DMD: variants seen among roughly 807,000 people sequenced by gnomAD.
DMD encodes the protein dystrophin.
DMD carries 63 observed loss-of-function variants against 330.1 expected under a neutral mutation model. The ratio of observed to expected loss-of-function variants is 0.19; its 90% CI spans 0.16 to 0.24. DMD has a LOEUF of 0.24. Among genes scored for constraint, DMD ranks in the 10% least tolerant of loss-of-function variants. The pLI is 1.00. For missense variants in DMD, 3,344 were observed against 2,684.1 expected (o/e 1.25, Z -5.43); for synonymous variants, 1,223 against 959.8 (o/e 1.27, Z -5.07).
intron 9 of DMD, among the ~76,000 whole-genome samples, chrX:32,658,434 C>A (rs1227270730): frequency 9.0e-6 from 1 of 111,376 alleles, no homozygotes; most frequent in Non-Finnish European, 1.9e-5. Context: ...AGCTCTGTCA[C>A]TGCAAATTGT....
At chrX:32,272,300 C>A (rs1353615005) in intron 43 of DMD, among the ~76,000 whole-genome samples, 1 of 112,078 alleles carries the variant, frequency 8.9e-6, no homozygotes, top group Non-Finnish European at 1.9e-5. Flanking sequence ...TGCTAAGGAG[C>A]AAGTCAGGAC....
chrX:31,618,920 G>C (rs2078369847), intron 55 of DMD, among the ~76,000 whole-genome samples: 1 of 110,726 alleles, frequency 9.0e-6, no homozygotes, highest in Non-Finnish European at 1.9e-5. Context: ...AACACTTGTG[G>C]TCCCAAGTGT....
intron 55 of DMD, among the ~76,000 whole-genome samples, chrX:31,587,609 T>C (rs1214326276): frequency 8.9e-6 from 1 of 111,860 alleles, no homozygotes; most frequent in Non-Finnish European, 1.9e-5. Context: ...TCGTTGGCAG[T>C]GAATGTATTT....
intron 44 of DMD, among the ~76,000 whole-genome samples, chrX:31,998,538 T>C (rs2095604867): frequency 1.8e-5 from 2 of 111,238 alleles, no homozygotes. Context: ...AGGATGGGAG[T>C]ACATAATAGT....
intron 62 of DMD, among the ~76,000 whole-genome samples, chrX:31,309,647 T>C (rs764608942): frequency 2.7e-5 from 3 of 112,122 alleles, no homozygotes; most frequent in Admixed American, 9.5e-5. Context: ...GAAAGAATTA[T>C]AGGGAAGTGC....
intron 52 of DMD, among the ~76,000 whole-genome samples, chrX:31,706,147 TAAA>T (rs59287838): frequency 1.2e-5 from 1 of 83,143 alleles, no homozygotes. Flanking sequence ...TTTTAGCTGT[TAAA>T]AAAAAAAAAA....
Position 32,621,570 on chromosome X carries a change from C to G in DMD, c.1332-7117G>C, listed in dbSNP as rs1318459501. 2.7e-5 allele frequency among the ~76,000 whole-genome samples: 3 copies of G among 109,746 alleles called. No homozygotes were observed. In the Admixed American group the frequency reaches 2.9e-4, roughly 11 times the overall value. ...AACTCCTTAGCTCAAGCAATCCTCT[C>G]CCCTTGGCCTCCCAAAAGTGCTGGG... On this transcript the variant is annotated intron_variant, in intron 11 of 78. Transcript: ENST00000357033.
At chrX:31,761,110 C>T (rs1298815461) in intron 51 of DMD, among the ~76,000 whole-genome samples, 1 of 110,055 alleles carries the variant, frequency 9.1e-6, no homozygotes, top group East Asian at 2.8e-4. Context: ...TGGTCTCAAT[C>T]TTCTGACCTC....
intron 52 of DMD, among the ~76,000 whole-genome samples, chrX:31,694,771 A>T (rs1341955728): frequency 4.6e-5 from 5 of 107,913 alleles, no homozygotes; most frequent in African/African-American, 1.0e-4. Flanking sequence ...GAAAGATAAC[A>T]AGTGTTCATG....
intron 9 of DMD, among the ~76,000 whole-genome samples, chrX:32,646,289 G>A (rs192195095): frequency 8.1e-5 from 9 of 111,541 alleles, no homozygotes; most frequent in Non-Finnish European, 5.6e-5. Context: ...TACTAAGTTT[G>A]CAGGAGGTTT....
intron 44 of DMD, among the ~76,000 whole-genome samples, chrX:32,176,277 A>T (rs1349442130): frequency 1.8e-5 from 2 of 112,194 alleles, no homozygotes; most frequent in Non-Finnish European, 3.8e-5. Context: ...ATCCCTGCTT[A>T]CTAAAATTAC....
In DMD at chrX:32,786,887, C is replaced by T. The variant is rs769437714; in HGVS notation, c.649+22606G>A. 5.1e-4 allele frequency among the ~76,000 whole-genome samples: 57 copies of T among 111,246 alleles called. No individual in the cohort carries two copies. In the Middle Eastern group the frequency reaches 0.014, roughly 27 times the overall value. ...TCCTAGAGTTTTTGCAGAAATAAAA[C>T]GAAATTATACAATATCAAGCAATGT... is the stretch of plus-strand genomic sequence containing the variant. On this transcript the variant is annotated intron_variant, in intron 7 of 78. Transcript: ENST00000357033.
intron 50 of DMD, among the ~76,000 whole-genome samples, chrX:31,775,791 T>A (rs998440735): frequency 2.7e-5 from 3 of 111,716 alleles, no homozygotes; most frequent in East Asian, 2.8e-4. Flanking sequence ...GAGAAGAAGA[T>A]GAGTAGAATG....
intron 60 of DMD, among the ~76,000 whole-genome samples, chrX:31,432,486 A>G (rs749450933): frequency 5.3e-5 from 6 of 112,755 alleles, no homozygotes; most frequent in African/African-American, 9.7e-5. Context: ...TAACATTTTT[A>G]TAACATTTGA....
At chrX:31,175,395 T>C (rs936577277) in intron 71 of DMD, among the ~76,000 whole-genome samples, 3 of 111,091 alleles carry the variant, frequency 2.7e-5, no homozygotes, top group Non-Finnish European at 3.8e-5. Context: ...CTTTAATTCT[T>C]TGCCTCAAGG....
chrX:31,702,726 G>A (rs1006924984), intron 52 of DMD, among the ~76,000 whole-genome samples: 1 of 111,103 alleles, frequency 9.0e-6, no homozygotes, highest in African/African-American at 3.3e-5. Flanking sequence ...TTGGGGTGGA[G>A]TCCAAGTATT....
chrX:32,696,987 C>G (rs1197230147), intron 9 of DMD, among the ~76,000 whole-genome samples: 1 of 111,506 alleles, frequency 9.0e-6, no homozygotes, highest in Non-Finnish European at 1.9e-5. Flanking sequence ...AAAATTGAGT[C>G]TCCAAAAATG....
chrX:32,938,625 G>A (rs1442818781), intron 2 of DMD, among the ~76,000 whole-genome samples: 1 of 111,281 alleles, frequency 9.0e-6, no homozygotes, highest in Non-Finnish European at 1.9e-5. Flanking sequence ...TTATATAAGA[G>A]TTTAAAAAAT....
At chrX:31,129,942 TGA>T (rs2034262287) in intron 77 of DMD, among the ~76,000 whole-genome samples, 1 of 111,601 alleles carries the variant, frequency 9.0e-6, no homozygotes, top group Admixed American at 9.5e-5. Context: ...CGGGCTTATT[TGA>T]GAGGGGATGG....
Sources: gnomAD v4.1 joint callset for allele counts (sites outside exome capture counted in the v4.1 genomes callset) on GRCh38, gnomAD v4.1.1 for gene constraint, MANE v1.5 for transcripts, NCBI Gene and HGNC (gene_info 2026-07-23, HGNC 2026-07-21) for gene names.